ABTB3: variants seen among roughly 807,000 people sequenced by gnomAD.
ABTB3 encodes ankyrin repeat- and BTB/POZ domain-containing protein 3.
chr12:107,432,403 C>T, the ABTB3 span, among the ~76,000 whole-genome samples: 9 of 152,342 alleles, frequency 5.9e-5, no homozygotes, highest in East Asian at 1.7e-3. Context: ...ACAGGCCTGT[C>T]AGCTCCTTCG....
chr12:107,580,829 CAT>C, the ABTB3 span: 1 of 1,533,790 alleles, frequency 6.5e-7, no homozygotes. Context: ...CTTATGTTCA[CAT>C]GATCGCCGAG....
the ABTB3 span, among the ~76,000 whole-genome samples, chr12:107,586,909 G>A: frequency 1.3e-5 from 2 of 152,322 alleles, no homozygotes; most frequent in South Asian, 2.1e-4. Context: ...CCTCCCTGCC[G>A]AGGTGCCATT....
the ABTB3 span, among the ~76,000 whole-genome samples, chr12:107,416,856 C>T: frequency 6.6e-6 from 1 of 152,160 alleles, no homozygotes; most frequent in South Asian, 2.1e-4. Context: ...TGGTCTCAAA[C>T]TCCTGGCCTC....
chr12:107,609,431 T>C, the ABTB3 span, among the ~76,000 whole-genome samples: 1 of 152,248 alleles, frequency 6.6e-6, no homozygotes, highest in Non-Finnish European at 1.5e-5. Flanking sequence ...TCTTTCTTGA[T>C]GCCCTGGGCT....
At chr12:107,435,348 A>G in the ABTB3 span, among the ~76,000 whole-genome samples, 3 of 152,234 alleles carry the variant, frequency 2.0e-5, no homozygotes, top group Admixed American at 1.3e-4. Flanking sequence ...GAAGCAGTGC[A>G]CTGAGAACAC....
the ABTB3 span, among the ~76,000 whole-genome samples, chr12:107,326,403 A>G: frequency 1.3e-5 from 2 of 152,282 alleles, no homozygotes; most frequent in East Asian, 3.9e-4. Flanking sequence ...TTTCTTGGGC[A>G]TTCATCCAGC....
At chr12:107,323,408 T>C in the ABTB3 span, among the ~76,000 whole-genome samples, 1 of 152,174 alleles carries the variant, frequency 6.6e-6, no homozygotes, top group African/African-American at 2.4e-5. Context: ...AAAAGATAAT[T>C]GGCTCTAAAG....
the ABTB3 span, among the ~76,000 whole-genome samples, chr12:107,530,876 G>T: frequency 1.3e-5 from 2 of 152,322 alleles, no homozygotes; most frequent in African/African-American, 2.4e-5. Flanking sequence ...GAATTACTGA[G>T]TCAGGAGTTA....
the ABTB3 span, among the ~76,000 whole-genome samples, chr12:107,454,643 G>T: frequency 3.3e-5 from 5 of 152,270 alleles, no homozygotes; most frequent in Non-Finnish European, 7.4e-5. Context: ...GTGGGCATTG[G>T]CCAGATTGGA....
the ABTB3 span, among the ~76,000 whole-genome samples, chr12:107,347,552 G>A: frequency 6.6e-6 from 1 of 152,142 alleles, no homozygotes; most frequent in Non-Finnish European, 1.5e-5. Flanking sequence ...ATTGCGTCTT[G>A]TCTTCTAAGG....
At chr12:107,611,037 C>G in the ABTB3 span, among the ~76,000 whole-genome samples, 3 of 152,156 alleles carry the variant, frequency 2.0e-5, no homozygotes, top group Non-Finnish European at 4.4e-5. Context: ...ATGACAGGGA[C>G]TATTTATTTA....
the ABTB3 span, among the ~76,000 whole-genome samples, chr12:107,632,018 T>C: frequency 1.3e-5 from 2 of 152,152 alleles, no homozygotes; most frequent in Non-Finnish European, 2.9e-5. Flanking sequence ...GATTGTCCAT[T>C]TGGAACAAGC....
At chr12:107,369,927 C>G in the ABTB3 span, among the ~76,000 whole-genome samples, 1 of 152,008 alleles carries the variant, frequency 6.6e-6, no homozygotes, top group Non-Finnish European at 1.5e-5. Flanking sequence ...CAGGCTTGTT[C>G]CTGGCTCCAC....
chr12:107,488,546 T>C, the ABTB3 span, among the ~76,000 whole-genome samples: 4 of 152,040 alleles, frequency 2.6e-5, no homozygotes, highest in Admixed American at 6.6e-5. Context: ...TTACATTGCA[T>C]AGAACCTCAT....
At chr12:107,387,095 A>G in the ABTB3 span, among the ~76,000 whole-genome samples, 23,886 of 151,156 alleles carry the variant, frequency 0.16, 2,609 homozygotes, top group African/African-American at 0.3. Context: ...CTCCTGCCTC[A>G]GCCTCCTGAG....
chr12:107,654,828 A>ACACACACG, the ABTB3 span, among the ~76,000 whole-genome samples: 8 of 145,462 alleles, frequency 5.5e-5, no homozygotes, highest in African/African-American at 1.9e-4. Flanking sequence ...ACACACACAC[A>ACACACACG]CACACACACA....
chr12:107,571,648 CAG>C, the ABTB3 span, among the ~76,000 whole-genome samples: 2 of 152,252 alleles, frequency 1.3e-5, no homozygotes, highest in Non-Finnish European at 2.9e-5. Context: ...CAGCCTCACA[CAG>C]AGTCTGTGGC....
the ABTB3 span, among the ~76,000 whole-genome samples, chr12:107,474,846 T>C: frequency 2.0e-5 from 3 of 152,218 alleles, no homozygotes; most frequent in East Asian, 5.8e-4. Context: ...ATTCTCCAGG[T>C]TGGGGCTTAA....
the ABTB3 span, among the ~76,000 whole-genome samples, chr12:107,564,573 A>G: frequency 6.6e-6 from 1 of 152,230 alleles, no homozygotes; most frequent in Non-Finnish European, 1.5e-5. Flanking sequence ...ATTTGGCAGC[A>G]CTAGGATCAA....
Sources: gnomAD v4.1 joint callset for allele counts (sites outside exome capture counted in the v4.1 genomes callset) on GRCh38, gnomAD v4.1.1 for gene constraint, MANE v1.5 for transcripts, NCBI Gene and HGNC (gene_info 2026-07-23, HGNC 2026-07-21) for gene names.